Variants in ZNF730 observed in about 807,000 individuals in gnomAD.
ZNF730 encodes the protein zinc finger protein 730, also known as putative zinc finger protein 730.
ZNF730 carries 12 observed loss-of-function variants against 12.6 expected under a neutral mutation model. The ratio of observed to expected loss-of-function variants is 0.95; its 90% CI spans 0.61 to 1.54. The LOEUF is 1.54. Among genes scored for constraint, ZNF730 ranks in the 40% most tolerant of loss-of-function variants. The pLI is 0.00. For missense variants in ZNF730, 643 were observed against 583.5 expected (o/e 1.10, Z -1.05); for synonymous variants, 194 against 195.8 (o/e 0.99, Z 0.08).
chr19:23,129,432 G>T (rs968758026), intron 1 of ZNF730, among the ~76,000 whole-genome samples: 14 of 152,114 alleles, frequency 9.2e-5, no homozygotes, highest in Non-Finnish European at 1.8e-4. Context: ...CCCAATGCGG[G>T]ACATGGAGTC....
chr19:23,143,813 T>C (rs1390300204), intron 3 of ZNF730: 1 of 152,198 alleles, frequency 6.6e-6, no homozygotes, highest in Non-Finnish European at 1.5e-5. Context: ...ATCGTAAGAC[T>C]ATGTTTGTAT....
chr19:23,127,446 T>C (rs979182204), intron 1 of ZNF730: 2 of 1,091,590 alleles, frequency 1.8e-6, no homozygotes, highest in Non-Finnish European at 2.8e-6. Flanking sequence ...TCCTTTGTCA[T>C]TGACCCTTCT....
At chr19:23,106,680 C>T (rs530297107) in intron 1 of ZNF730, among the ~76,000 whole-genome samples, 1 of 151,954 alleles carries the variant, frequency 6.6e-6, no homozygotes, top group Admixed American at 6.6e-5. Flanking sequence ...AATCCCAGCT[C>T]CTCGGGAGGT....
intron 1 of ZNF730, among the ~76,000 whole-genome samples, chr19:23,086,407 T>C (rs1318415639): frequency 6.6e-6 from 1 of 152,128 alleles, no homozygotes; most frequent in Non-Finnish European, 1.5e-5. Flanking sequence ...GTTACCTAGG[T>C]TGTCTTTCAG....
chr19:23,136,844 G>A (rs1263279833), intron 3 of ZNF730, among the ~76,000 whole-genome samples: 2 of 151,892 alleles, frequency 1.3e-5, no homozygotes, highest in Non-Finnish European at 2.9e-5. Context: ...AATTCTGATG[G>A]GAGTTTATTG....
chr19:23,076,115 A>T (rs564051211), intron 1 of ZNF730, among the ~76,000 whole-genome samples: 42 of 152,132 alleles, frequency 2.8e-4, no homozygotes, highest in Admixed American at 1.4e-3. Context: ...ATAAATTTCC[A>T]CTTTTGTTCC....
intron 1 of ZNF730, among the ~76,000 whole-genome samples, chr19:23,101,427 C>T (rs1015956321): frequency 5.3e-5 from 8 of 152,198 alleles, no homozygotes; most frequent in African/African-American, 1.7e-4. Context: ...GATATTGTGA[C>T]TCACATACTT....
At chr19:23,121,500 C>T (rs921163292) in intron 1 of ZNF730, among the ~76,000 whole-genome samples, 2 of 152,042 alleles carry the variant, frequency 1.3e-5, no homozygotes, top group African/African-American at 4.8e-5. Flanking sequence ...TGCCACCATG[C>T]CTGGCTAATT....
At chr19:23,114,194 G>A (rs962573196), upstream of ZNF730, among the ~76,000 whole-genome samples, 9 of 151,608 alleles carry the variant, frequency 5.9e-5, no homozygotes, top group Non-Finnish European at 1.2e-4. Flanking sequence ...CTGTGCTGGA[G>A]TATTTCAGAG....
Position 23,117,079 on chromosome 19 carries a change from C to T in ZNF730, c.-95C>T. ...CAATTTTCGTCTGTCTGCTTTGTGT[C>T]CTCTGCACGTAGAAGCCCAGCCTGT... is the stretch of plus-strand genomic sequence containing the variant. On this transcript the variant is annotated 5_prime_UTR_variant, in exon 1 of 4. Transcript: ENST00000597761. 3 of 1,596,994 alleles carry T rather than the reference C, an allele frequency of 1.9e-6. No homozygotes were observed. The highest frequency in any genetic ancestry group is 1.1e-5 in the South Asian group (1 of 90,550).
chr19:23,082,924 C>T (rs1238508856), intron 1 of ZNF730, among the ~76,000 whole-genome samples: 1 of 152,002 alleles, frequency 6.6e-6, no homozygotes, highest in African/African-American at 2.4e-5. Context: ...GTCTCGAACT[C>T]CTGACGTCAG....
chr19:23,109,724 T>C (rs1970439364), intron 1 of ZNF730, among the ~76,000 whole-genome samples: 2 of 152,094 alleles, frequency 1.3e-5, no homozygotes, highest in Non-Finnish European at 2.9e-5. Flanking sequence ...AATTTTTGTA[T>C]TTTTAGTAAA....
At chr19:23,126,595 G>A (rs1351164648) in intron 1 of ZNF730, 1 of 477,456 alleles carries the variant, frequency 2.1e-6, no homozygotes, top group African/African-American at 2.0e-5. Context: ...AGCACTGCCA[G>A]GCAGTTTGGC....
At chr19:23,121,765 C>T (rs186996035) in intron 1 of ZNF730, among the ~76,000 whole-genome samples, 67 of 152,328 alleles carry the variant, frequency 4.4e-4, no homozygotes, top group African/African-American at 1.6e-3. Context: ...TGTCTGCATC[C>T]AGTGTCTACT....
intron 1 of ZNF730, among the ~76,000 whole-genome samples, chr19:23,099,306 C>T (rs1025359254): frequency 6.6e-6 from 1 of 151,950 alleles, no homozygotes; most frequent in African/African-American, 2.4e-5. Context: ...GATCATAGGT[C>T]CATAGCACCA....
chr19:23,118,656 A>C (rs937706192), intron 1 of ZNF730, among the ~76,000 whole-genome samples: 42 of 152,178 alleles, frequency 2.8e-4, no homozygotes, highest in Non-Finnish European at 7.3e-5. Context: ...CATTGTCTTC[A>C]CCCAACCTAG....
intron 1 of ZNF730, among the ~76,000 whole-genome samples, chr19:23,086,772 G>A (rs1970069683): frequency 6.6e-6 from 1 of 152,010 alleles, no homozygotes; most frequent in Non-Finnish European, 1.5e-5. Context: ...CCTATTCAGG[G>A]TGTTTTTTGG....
chr19:23,088,482 A>G (rs750193077), intron 1 of ZNF730, among the ~76,000 whole-genome samples: 44 of 151,628 alleles, frequency 2.9e-4, no homozygotes, highest in Non-Finnish European at 4.7e-4. Flanking sequence ...TTTTCTCCAG[A>G]TGGTGTCTCA....
intron 1 of ZNF730, among the ~76,000 whole-genome samples, chr19:23,097,778 C>A (rs78394034): frequency 0.042 from 6,407 of 152,164 alleles, 213 homozygotes; most frequent in Middle Eastern, 0.071. Context: ...GTTATGGTTT[C>A]TGTGACATAT....
Sources: gnomAD v4.1 joint callset for allele counts (sites outside exome capture counted in the v4.1 genomes callset) on GRCh38, gnomAD v4.1.1 for gene constraint, MANE v1.5 for transcripts, NCBI Gene and HGNC (gene_info 2026-07-23, HGNC 2026-07-21) for gene names.